PHKG1: variants seen among roughly 807,000 people sequenced by gnomAD.
PHKG1 encodes the protein phosphorylase kinase catalytic subunit gamma 1.
Under a neutral mutation model 50.5 loss-of-function variants are expected in PHKG1, and 48 were observed. The observed-to-expected ratio is 0.95, with a 90% CI of 0.75 to 1.21. The LOEUF is 1.21. Among genes scored for constraint, PHKG1 ranks in the 50% most tolerant of loss-of-function variants. The probability of loss-of-function intolerance (pLI) is 0.00; values close to 1 mark genes in which losing one functional copy is unlikely to be tolerated. For synonymous variants in PHKG1, 204 were observed against 212.8 expected (o/e 0.96, Z 0.36); for missense variants, 487 against 519.5 (o/e 0.94, Z 0.61).
rs1584618420 is a variant in PHKG1 at position 56,081,825 on chromosome 7, G to A, written c.792+68C>T. ...CCTCCAGCATGTCAGGAAAGGCAGG[G>A]CCTCCCCGGGCAGGGGCGCCTGGCA... On this transcript the variant is annotated intron_variant, in intron 8 of 9. Coordinates refer to ENST00000297373, the MANE Select transcript of PHKG1 (RefSeq NM_006213.5). This position sits in a 1 kb window ranked among gnomAD's most constrained non-coding sequence, Gnocchi z 4.6. The A allele has an allele frequency of 3.2e-5, 51 of 1,608,474 alleles. No individual in the cohort carries two copies. The East Asian group carries it at 1.1e-3, about 34-fold the overall frequency.
chr7:56,087,826 G>GTGA, intron 2 of PHKG1, 50 bp from the exon 3 acceptor site: 1 of 1,500,686 alleles, frequency 6.7e-7, no homozygotes, highest in Non-Finnish European at 9.2e-7. Flanking sequence ...ACCCCATGGG[G>GTGA]GGTCCCAGAT....
At position 56,080,984 on chromosome 7, in the gene PHKG1, C is replaced by G. The variant is rs143730891; in HGVS notation, c.*70G>C. On this transcript the variant is annotated 3_prime_UTR_variant, in exon 10 of 10. Coordinates refer to ENST00000297373, the MANE Select transcript of PHKG1 (RefSeq NM_006213.5). ...CTGCAGAGGCCTGCACGCATCTCAC[C>G]CCTTTGACTTGTATTTCCATGGCTT... The G allele has an allele frequency of 3.6e-4, 558 of 1,571,770 alleles. 4 individuals carry two copies. In the South Asian group the frequency reaches 4.3e-3, roughly 12 times the overall value.
Position 56,080,783 on chromosome 7 carries a change from AGAG to A in PHKG1, c.*268_*270del. The A allele has an allele frequency of 2.0e-6, 1 of 506,440 alleles. No homozygotes were observed. Among genetic ancestry groups the A allele is most frequent in the Non-Finnish European group, 3.6e-6 (1 of 279,548 alleles). 31.4% of individuals were successfully genotyped at this position (506,440 alleles called of 1,614,324 possible). A position where few individuals can be genotyped will look rare whatever the true frequency, so the allele number is the denominator to read the frequency against. ...GGAGATGGTGGCTCATCTAGGAAGT[AGAG>A]GAGCAGGGGGTTCCTGGTTCTCAGG... On this transcript the variant is annotated 3_prime_UTR_variant, in exon 10 of 10. Coordinates refer to ENST00000297373, the MANE Select transcript of PHKG1 (RefSeq NM_006213.5).
chr7:56,081,841 G>A lies in PHKG1; in HGVS notation c.792+52C>T. 1.2e-6 allele frequency: 2 copies of A among 1,609,798 alleles called. No homozygotes were observed. Among genetic ancestry groups the A allele is most frequent in the South Asian group, 2.2e-5 (2 of 90,898 alleles). On this transcript the variant is annotated intron_variant, in intron 8 of 9. Transcript: ENST00000297373. This position sits in a 1 kb window ranked among gnomAD's most constrained non-coding sequence, Gnocchi z 4.6. ...AAAGGCAGGGCCTCCCCGGGCAGGG[G>A]CGCCTGGCATCGCAGCCCTGAGCCC...
intron 4 of PHKG1, 91 bp from the exon 5 acceptor site, chr7:56,083,806 C>A: frequency 1.2e-6 from 1 of 852,232 alleles, no homozygotes; most frequent in Non-Finnish European, 2.0e-6. Flanking sequence ...ACCCTGATAC[C>A]TCTAGAAGCT....
intron 6 of PHKG1, among the ~76,000 whole-genome samples, chr7:56,082,926 T>G (rs1292381231): frequency 2.6e-5 from 4 of 151,824 alleles, no homozygotes; most frequent in African/African-American, 9.7e-5. Context: ...ACCAACATGG[T>G]GAAACCCTGT....
At position 56,081,695 on chromosome 7, in the gene PHKG1, G is replaced by A. The variant is rs779067448; in HGVS notation, c.853C>T (p.His285Tyr). 1.4e-5 allele frequency: 22 copies of A among 1,613,810 alleles called. No homozygotes were observed. Among genetic ancestry groups the A allele is most frequent in the Non-Finnish European group, 1.1e-5 (13 of 1,179,898 alleles). Reference sequence around the variant, plus strand: ...ACCAAGTACTGCTGGAAGAAGGGGTGTGCCAAGGCCTCTTCCGCTGTGTAG... The same window carrying A: ...ACCAAGTACTGCTGGAAGAAGGGGTATGCCAAGGCCTCTTCCGCTGTGTAG... Reference protein sequence around the residue: ...NRYTAEEALAHPFFQQYLVEE... With the variant: ...NRYTAEEALAYPFFQQYLVEE... The change falls in exon 9 of 10, where the codon CAC (histidine) becomes TAC (tyrosine). Residue 285 changes from histidine to tyrosine, a missense_variant. Physicochemically the swap from His to Tyr is moderately conservative, Grantham distance 83. Transcript: ENST00000297373. The surrounding 1 kb of genome is among the most constrained non-coding windows in gnomAD (Gnocchi z 4.6).
rs181820885 is a variant in PHKG1, at chr7:56,086,265, A to G, written c.317+705T>C. Among the ~76,000 whole-genome samples the G allele has an allele frequency of 7.0e-3, 1,058 of 152,166 alleles. 2 individuals carry two copies. The highest frequency in any genetic ancestry group is 0.011 in the Non-Finnish European group (752 of 68,002). ...CCCCAGTGGATGCCTGAAACCATGG[A>G]TAGCACTGAAGCCTATACTTACTAT... On this transcript the variant is annotated intron_variant, in intron 4 of 9. Transcript: ENST00000297373.
At position 56,083,765 on chromosome 7, in the gene PHKG1, C is replaced by T. The variant is rs1161526343; in HGVS notation, c.318-50G>A. 3 of 1,270,234 alleles carry T rather than the reference C, an allele frequency of 2.4e-6. No homozygotes were observed. In the African/African-American group the frequency reaches 4.4e-5, roughly 19 times the overall value. 78.7% of individuals were successfully genotyped at this position (1,270,234 alleles called of 1,614,324 possible). ...TGGATCGGTCCCAAGACCACCACTGCCCTTACCCTGCTCCCAGAGAGCTGC... is the reference window on the plus strand; with the variant it reads ...TGGATCGGTCCCAAGACCACCACTGTCCTTACCCTGCTCCCAGAGAGCTGC... On this transcript the variant is annotated intron_variant, in intron 4 of 9. Transcript: ENST00000297373.
At chr7:56,083,105 CAAAAAAAA>C (rs374270655) in intron 6 of PHKG1, 165 bp downstream of exon 6, 4 of 444,962 alleles carry the variant, frequency 9.0e-6, no homozygotes, top group Non-Finnish European at 1.5e-5. Context: ...GACTCCATCT[CAAAAAAAA>C]AAAAAAAGAA....
Position 56,087,010 on chromosome 7 carries a change from T to C in PHKG1, c.277A>G (p.Thr93Ala), listed in dbSNP as rs778062516. 6.2e-7 allele frequency: 1 copy of C among 1,613,298 alleles called. No homozygotes were observed. Among genetic ancestry groups the C allele is most frequent in the Non-Finnish European group, 8.5e-7 (1 of 1,179,568 alleles). The change falls in exon 4 of 10, where the codon ACT becomes GCT. Residue 93 changes from threonine to alanine, a missense_variant. Thr to Ala is a moderately conservative substitution (Grantham distance 58). Transcript: ENST00000297373. ...GHPNIIQLKD[T>A]YETNTFFFLV... ...AAGAAGAAAGTGTTGGTCTCATAAG[T>C]GTCCTTCAGCTGTACTGAAATGGAA...
intron 1 of PHKG1, among the ~76,000 whole-genome samples, chr7:56,089,562 G>C (rs1300118040): frequency 1.3e-5 from 2 of 150,486 alleles, no homozygotes; most frequent in Non-Finnish European, 2.9e-5. Context: ...TATCCCCCAG[G>C]CTGGAGTGCA....
In PHKG1 at chr7:56,080,817, T is replaced by C; in HGVS notation, c.*237A>G. 1.8e-6 allele frequency: 1 copy of C among 568,264 alleles called. No homozygotes were observed. Among genetic ancestry groups the C allele is most frequent in the Non-Finnish European group, 3.1e-6 (1 of 317,646 alleles). The allele number at this position is 568,264 out of a possible 1,614,324, so 35.2% of individuals were successfully genotyped here. ...GGGGGTTCCTGGTTCTCAGGCCACG[T>C]GTGATCTCTGCCCACCCAGGGCCTG... On this transcript the variant is annotated 3_prime_UTR_variant, in exon 10 of 10. Coordinates refer to ENST00000297373, the MANE Select transcript of PHKG1 (RefSeq NM_006213.5).
intron 4 of PHKG1, among the ~76,000 whole-genome samples, chr7:56,085,477 T>A (rs1796212602): frequency 6.6e-6 from 1 of 152,230 alleles, no homozygotes; most frequent in Non-Finnish European, 1.5e-5. Flanking sequence ...GGGCTCATCT[T>A]ACTAATCCTA....
chr7:56,081,050 C>T lies in PHKG1; in HGVS notation c.*4G>A, dbSNP rs1348821548. ...CCCCTAGCCCTCCCTGACTGGCCAGCCCCTCAGTAGTCCTCCTCGGCCAGG... is the reference window on the plus strand; with the variant it reads ...CCCCTAGCCCTCCCTGACTGGCCAGTCCCTCAGTAGTCCTCCTCGGCCAGG... On this transcript the variant is annotated 3_prime_UTR_variant, in exon 10 of 10. Coordinates refer to ENST00000297373, the MANE Select transcript of PHKG1 (RefSeq NM_006213.5). This position sits in a 1 kb window ranked among gnomAD's most constrained non-coding sequence, Gnocchi z 4.6. 1 of 1,611,890 alleles carries T rather than the reference C, an allele frequency of 6.2e-7. No homozygotes were observed.
chr7:56,081,692 G>T lies in PHKG1; in HGVS notation c.856C>A (p.Pro286Thr). The T allele has an allele frequency of 6.2e-7, 1 of 1,613,880 alleles. No individual in the cohort carries two copies. The highest frequency in any genetic ancestry group is 8.5e-7 in the Non-Finnish European group (1 of 1,179,878). ...RYTAEEALAH[P>T]FFQQYLVEEV... The stretch of plus-strand genomic sequence containing the variant: ...TCCACCAAGTACTGCTGGAAGAAGG[G>T]GTGTGCCAAGGCCTCTTCCGCTGTG... Residue 286 changes from proline to threonine, a missense_variant, in exon 9 of 10, where the codon CCC becomes ACC. Coordinates refer to ENST00000297373, the MANE Select transcript of PHKG1 (RefSeq NM_006213.5). The surrounding 1 kb of genome is among the most constrained non-coding windows in gnomAD (Gnocchi z 4.6).
rs375841179 is a variant in PHKG1 at position 56,081,086 on chromosome 7, C to T, written c.1132G>A (p.Val378Met). The change falls in exon 10 of 10, where the codon GTG (valine) becomes ATG (methionine). Residue 378 changes from valine to methionine, a missense_variant. Coordinates refer to ENST00000297373, the MANE Select transcript of PHKG1 (RefSeq NM_006213.5). This position sits in a 1 kb window ranked among gnomAD's most constrained non-coding sequence, Gnocchi z 4.6. ...AALFENTPKA[V>M]LLSLAEEDY ...TCCTCCTCGGCCAGGGAGAGGAGCA[C>T]GGCCTTGGGTGTGTTCTCGAAAAGG... 56 of 1,613,004 alleles carry T rather than the reference C, an allele frequency of 3.5e-5. No homozygotes were observed. The highest frequency in any genetic ancestry group is 2.1e-4 in the South Asian group (19 of 91,042).
chr7:56,091,095 T>TC (rs1796478888), intron 1 of PHKG1, among the ~76,000 whole-genome samples: 1 of 152,068 alleles, frequency 6.6e-6, no homozygotes, highest in Non-Finnish European at 1.5e-5. Context: ...GGGCCTGTGG[T>TC]CCCAGCTACT....
At chr7:56,089,970 T>C (rs1796432951) in intron 1 of PHKG1, among the ~76,000 whole-genome samples, 1 of 151,922 alleles carries the variant, frequency 6.6e-6, no homozygotes, top group Non-Finnish European at 1.5e-5. Flanking sequence ...GGCCACAATT[T>C]CCTTTTAAAT....
Sources: gnomAD v4.1 joint callset for allele counts (sites outside exome capture counted in the v4.1 genomes callset) on GRCh38, gnomAD v4.1.1 for gene constraint, Gnocchi (gnomAD v3.1) non-coding constraint, MANE v1.5 for transcripts, NCBI Gene and HGNC (gene_info 2026-07-23, HGNC 2026-07-21) for gene names.